AAMDC: variants seen among roughly 807,000 people sequenced by gnomAD.
AAMDC encodes the protein mth938 domain-containing protein.
AAMDC carries 16 observed loss-of-function variants against 15.5 expected under a neutral mutation model. That is an observed-to-expected ratio of 1.03 (90% confidence interval 0.70 to 1.57). The LOEUF is 1.57. AAMDC is among the 40% of genes most tolerant of loss of function. AAMDC has a pLI of 0.00. For synonymous variants in AAMDC, 51 were observed against 51.6 expected, an observed-to-expected ratio of 0.99 and a Z score of 0.05; for missense variants, 141 against 144.9, an observed-to-expected ratio of 0.97 and a Z score of 0.14.
intron 1 of AAMDC, among the ~76,000 whole-genome samples, chr11:77,825,958 C>A (rs574756107): frequency 6.6e-6 from 1 of 152,260 alleles, no homozygotes; most frequent in South Asian, 2.1e-4. Context: ...TCCCAAAGTG[C>A]TGGGATTACA....
Position 77,869,307 on chromosome 11 carries a change from T to TC in AAMDC, c.133-415_133-414insC, listed in dbSNP as rs199561789. The TC allele has an allele frequency of 2.9e-3, 340 of 116,488 alleles. 14 individuals are homozygous for TC. Among genetic ancestry groups the TC allele is most frequent in the Middle Eastern group, 0.019 (5 of 268 alleles). The allele number at this position is 116,488 out of a possible 1,614,324, so 7.2% of individuals were successfully genotyped here. ...TTCCCGGATTTCGTTTATTTATCTC[T>TC]TTTTCTTTTTTTTTTTTTTTTTTTA... On this transcript the variant is annotated intron_variant, in intron 2 of 3. Coordinates refer to ENST00000393427, the MANE Select transcript of AAMDC (RefSeq NM_024684.4).
At chr11:77,833,396 G>T (rs1389079825) in intron 1 of AAMDC, among the ~76,000 whole-genome samples, 1 of 152,092 alleles carries the variant, frequency 6.6e-6, no homozygotes, top group Non-Finnish European at 1.5e-5. Flanking sequence ...ATAAGGGACT[G>T]TGCAACCTAA....
At chr11:77,897,378 TAAA>T (rs1340977728) in intron 5 of AAMDC, among the ~76,000 whole-genome samples, 4 of 151,154 alleles carry the variant, frequency 2.6e-5, no homozygotes, top group Admixed American at 6.6e-5. Flanking sequence ...AAAATAAAAA[TAAA>T]GAAGGATATA....
At chr11:77,831,309 CAT>C (rs149656410) in intron 1 of AAMDC, among the ~76,000 whole-genome samples, 1,587 of 152,288 alleles carry the variant, frequency 0.01, 24 homozygotes, top group African/African-American at 0.036. Flanking sequence ...AAATGATAAA[CAT>C]AAAGTTACTT....
downstream of AAMDC, among the ~76,000 whole-genome samples, chr11:77,903,776 G>C (rs1180184795): frequency 6.6e-6 from 1 of 152,120 alleles, no homozygotes; most frequent in African/African-American, 2.4e-5. Context: ...ATCTATTATG[G>C]AGAAAGATGA....
chr11:77,871,194 A>AG (rs1951416172), intron 3 of AAMDC, among the ~76,000 whole-genome samples: 1 of 152,346 alleles, frequency 6.6e-6, no homozygotes, highest in East Asian at 1.9e-4. Context: ...TCAAATATAT[A>AG]GAAAATATAG....
intron 5 of AAMDC, among the ~76,000 whole-genome samples, chr11:77,877,751 T>G (rs1208806143): frequency 6.6e-6 from 1 of 150,406 alleles, no homozygotes; most frequent in Non-Finnish European, 1.5e-5. Context: ...CACTTGCAAT[T>G]TTTTTTTTTT....
At chr11:77,840,900 T>C in intron 1 of AAMDC, 1 of 324,766 alleles carries the variant, frequency 3.1e-6, no homozygotes. Flanking sequence ...GGTTTAGCCA[T>C]TTGCCTATAC....
chr11:77,827,753 C>T (rs1949244317), intron 1 of AAMDC, among the ~76,000 whole-genome samples: 1 of 152,068 alleles, frequency 6.6e-6, no homozygotes, highest in African/African-American at 2.4e-5. Flanking sequence ...TAATATTATA[C>T]TGGAGGTTGT....
At chr11:77,869,176 T>A in intron 2 of AAMDC, 1 of 237,190 alleles carries the variant, frequency 4.2e-6, no homozygotes. Flanking sequence ...GCATCTCCTC[T>A]TTCCCTTTGT....
chr11:77,901,511 C>T (rs1348955077), downstream of AAMDC: 1 of 1,611,982 alleles, frequency 6.2e-7, no homozygotes, highest in Non-Finnish European at 8.5e-7. Flanking sequence ...ATTCTCCACA[C>T]CACTGTACAT....
intron 2 of AAMDC, among the ~76,000 whole-genome samples, chr11:77,856,948 A>T (rs1423709050): frequency 2.0e-5 from 3 of 152,220 alleles, no homozygotes; most frequent in African/African-American, 7.2e-5. Context: ...GAAAGGACAG[A>T]CTGGTGATTT....
At chr11:77,884,081 T>TG in intron 5 of AAMDC, 1 of 886,912 alleles carries the variant, frequency 1.1e-6, no homozygotes, top group South Asian at 1.6e-5. Flanking sequence ...GATTGAGCCT[T>TG]GGGGGTAGGT....
chr11:77,822,543 G>T (rs1253715309), intron 1 of AAMDC, among the ~76,000 whole-genome samples: 3 of 151,952 alleles, frequency 2.0e-5, no homozygotes, highest in African/African-American at 7.3e-5. Context: ...AGGGAAAATG[G>T]TCACACAAAC....
chr11:77,865,746 T>C (rs1321348767), intron 2 of AAMDC, among the ~76,000 whole-genome samples: 1 of 152,232 alleles, frequency 6.6e-6, no homozygotes, highest in Non-Finnish European at 1.5e-5. Flanking sequence ...GAAGCACATA[T>C]AATACTAGAC....
downstream of AAMDC, chr11:77,901,289 G>C (rs556722911): frequency 4.3e-6 from 4 of 927,272 alleles, no homozygotes; most frequent in East Asian, 7.2e-5. Flanking sequence ...AAAATGAATA[G>C]ATCACACATT....
chr11:77,891,487 G>C, intron 5 of AAMDC: 22 of 1,612,734 alleles, frequency 1.4e-5, no homozygotes, highest in Non-Finnish European at 1.9e-5. Flanking sequence ...AAAATCCTAT[G>C]ATTTTAAAGC....
chr11:77,876,163 T>C, downstream of AAMDC, among the ~76,000 whole-genome samples: 1 of 152,088 alleles, frequency 6.6e-6, no homozygotes, highest in South Asian at 2.1e-4. Context: ...GTATGAGGGA[T>C]GAGGAAGGAA....
At chr11:77,844,647 C>T (rs1055985272) in intron 2 of AAMDC, among the ~76,000 whole-genome samples, 72 of 152,144 alleles carry the variant, frequency 4.7e-4, no homozygotes, top group African/African-American at 1.4e-3. Flanking sequence ...CAGGCATGAG[C>T]CATCATGCCC....
Sources: gnomAD v4.1 joint callset for allele counts (sites outside exome capture counted in the v4.1 genomes callset) on GRCh38, gnomAD v4.1.1 for gene constraint, MANE v1.5 for transcripts, NCBI Gene and HGNC (gene_info 2026-07-23, HGNC 2026-07-21) for gene names.